Variants in TELO2 observed in about 807,000 individuals in gnomAD.
The protein encoded by TELO2 is telomere maintenance 2, also known as telomere length regulation protein TEL2 homolog.
TELO2 carries 71 observed loss-of-function variants against 91.0 expected under a neutral mutation model. That is an observed-to-expected ratio of 0.78 (90% CI 0.64 to 0.95). The LOEUF (loss-of-function observed/expected upper bound fraction) is 0.95, where lower values mean the gene tolerates loss of function less well. TELO2 is among the 40% of genes least tolerant of loss of function. The pLI is 0.00. For missense variants in TELO2, 1,183 were observed against 1,141.3 expected (o/e 1.04, Z -0.53); for synonymous variants, 584 against 518.9 (o/e 1.13, Z -1.71).
chr16:1,502,843 G>A (rs1393108582), intron 14 of TELO2, 82 bp downstream of exon 14: 3 of 1,603,240 alleles, frequency 1.9e-6, no homozygotes, highest in Non-Finnish European at 2.5e-6. Flanking sequence ...TCTCGGTCCT[G>A]TGCTGGAGCT....
At chr16:1,507,766 GTGT>G (rs2039953372) in intron 20 of TELO2, 50 bp downstream of exon 20, 1 of 1,341,596 alleles carries the variant, frequency 7.5e-7, no homozygotes, top group African/African-American at 1.6e-5. Context: ...GGCCCGGGGT[GTGT>G]GTGTATGTGT....
Position 1,497,157 on chromosome 16 carries a change from C to G in TELO2, c.682+53C>G. On this transcript the variant is annotated intron_variant, in intron 4 of 20. Coordinates refer to ENST00000262319, the MANE Select transcript of TELO2 (RefSeq NM_016111.4). The surrounding 1 kb of genome is among the most constrained non-coding windows in gnomAD (Gnocchi z 4.0). ...TCCTGCCCCGACCCTCACAGCCCAT[C>G]AGCCTTCTGCAGAAGGCCGAGAATC... 1.9e-6 allele frequency: 3 copies of G among 1,603,258 alleles called. No homozygotes were observed. Among genetic ancestry groups the G allele is most frequent in the Non-Finnish European group, 2.6e-6 (3 of 1,172,278 alleles).
At position 1,505,219 on chromosome 16, in the gene TELO2, C is replaced by A; in HGVS notation, c.1843-191C>A. On this transcript the variant is annotated intron_variant, in intron 15 of 20. Coordinates refer to ENST00000262319, the MANE Select transcript of TELO2 (RefSeq NM_016111.4). The surrounding 1 kb of genome is among the most constrained non-coding windows in gnomAD (Gnocchi z 4.3). ...CCTGGAGCACGGTGCCCACCTTCCC[C>A]ACCTTCCCGCCTACCAAGGCGCGGT... is the stretch of plus-strand genomic sequence containing the variant. The A allele has an allele frequency of 1.6e-6, 1 of 635,010 alleles. No homozygotes were observed. Among genetic ancestry groups the A allele is most frequent in the Non-Finnish European group, 2.7e-6 (1 of 376,860 alleles). The allele number at this position is 635,010 out of a possible 1,614,324, so 39.3% of individuals were successfully genotyped here.
intron 15 of TELO2, among the ~76,000 whole-genome samples, chr16:1,504,549 G>GTTT (rs1567303563): frequency 2.9e-5 from 4 of 140,258 alleles, no homozygotes; most frequent in African/African-American, 1.1e-4. Flanking sequence ...ACCGTAACTG[G>GTTT]TCTTTTTTTT....
intron 6 of TELO2, 64 bp from the exon 7 acceptor site, chr16:1,500,032 G>T: frequency 1.3e-6 from 2 of 1,548,790 alleles, no homozygotes; most frequent in Non-Finnish European, 8.7e-7. Flanking sequence ...TCTTGGCCTT[G>T]GGAGCCCCGG....
At position 1,500,663 on chromosome 16, in the gene TELO2, C is replaced by G. The variant is rs1008581535; in HGVS notation, c.1245C>G (p.Ala415=). Reference sequence around the variant, plus strand: ...TGATCGTGGCAGAGGTCGTTAGTGCCCGGATCCACCCCGAGGGGCCTCCCC... The same window carrying G: ...TGATCGTGGCAGAGGTCGTTAGTGCGCGGATCCACCCCGAGGGGCCTCCCC... ...LGMIVAEVVS[A]RIHPEGPPLK... Residue 415 remains alanine (A), a synonymous_variant, in exon 9 of 21, where the codon GCC becomes GCG. Coordinates refer to ENST00000262319, the MANE Select transcript of TELO2 (RefSeq NM_016111.4). 11 of 1,612,568 alleles carry G rather than the reference C, an allele frequency of 6.8e-6. No individual in the cohort carries two copies. In the East Asian group the frequency reaches 2.5e-4, roughly 36 times the overall value.
intron 20 of TELO2, among the ~76,000 whole-genome samples, chr16:1,508,782 C>A (rs898295109): frequency 6.6e-6 from 1 of 152,182 alleles, no homozygotes; most frequent in Non-Finnish European, 1.5e-5. Context: ...AAGAGCAGGG[C>A]ACGGTACCGA....
chr16:1,495,429 A>G lies in TELO2; in HGVS notation c.419A>G (p.Gln140Arg), dbSNP rs1367204087. Residue 140 changes from glutamine to arginine, a missense_variant, in exon 3 of 21, where the codon CAG becomes CGG. Coordinates refer to ENST00000262319, the MANE Select transcript of TELO2 (RefSeq NM_016111.4). Reference protein sequence around the residue: ...EGRLAVLMEAQCRQQTQPGFI... With the variant: ...EGRLAVLMEARCRQQTQPGFI... ...CGGCTGGCAGTGCTGATGGAGGCGC[A>G]GTGTCGGCAGCAGACGCAGCCCGGC... is the stretch of plus-strand genomic sequence containing the variant. 1 of 1,599,666 alleles carries G rather than the reference A, an allele frequency of 6.3e-7. No individual in the cohort carries two copies. The highest frequency in any genetic ancestry group is 2.3e-5 in the East Asian group (1 of 43,956).
At chr16:1,499,966 C>A in intron 6 of TELO2, 130 bp from the exon 7 acceptor site, 1 of 1,111,680 alleles carries the variant, frequency 9.0e-7, no homozygotes, top group South Asian at 1.6e-5. Context: ...GAGGCAGTGG[C>A]CGCCCCCATG....
intron 11 of TELO2, 106 bp from the exon 12 acceptor site, chr16:1,501,941 G>C: frequency 6.6e-7 from 1 of 1,526,506 alleles, no homozygotes; most frequent in Non-Finnish European, 9.1e-7. Flanking sequence ...CGCAGGGGCC[G>C]AGGCGTGAGC....
At chr16:1,506,050 T>C (rs980333989) in intron 16 of TELO2, among the ~76,000 whole-genome samples, 188 bp from the exon 17 acceptor site, 2 of 152,216 alleles carry the variant, frequency 1.3e-5, no homozygotes, top group Non-Finnish European at 2.9e-5. Flanking sequence ...GTCCAGGCAT[T>C]GGCCGCGGAG....
Position 1,496,479 on chromosome 16 carries a change from G to A in TELO2, c.614-557G>A, listed in dbSNP as rs562225888. Among the ~76,000 whole-genome samples the A allele has an allele frequency of 6.6e-5, 10 of 152,344 alleles. No individual in the cohort carries two copies. In the South Asian group the frequency reaches 1.4e-3, roughly 22 times the overall value. ...ATTAAGGAGGCTTTGGGAACATCTC[G>A]GACACATGTGGAATGCGGCTTTTTC... On this transcript the variant is annotated intron_variant, in intron 3 of 20. Transcript: ENST00000262319.
chr16:1,496,434 T>G (rs781563692), intron 3 of TELO2, among the ~76,000 whole-genome samples: 2 of 152,240 alleles, frequency 1.3e-5, no homozygotes, highest in Non-Finnish European at 2.9e-5. Context: ...TTGCAGCTGC[T>G]GCTGTGCATG....
At chr16:1,500,762 C>G (rs1046788668) in intron 9 of TELO2, 63 bp downstream of exon 9, 25 of 1,582,434 alleles carry the variant, frequency 1.6e-5, no homozygotes, top group Non-Finnish European at 2.1e-5. Context: ...GCGGCTGCCT[C>G]TCCAGCCCCA....
chr16:1,503,449 G>T (rs1300876831), intron 15 of TELO2, among the ~76,000 whole-genome samples: 1 of 152,142 alleles, frequency 6.6e-6, no homozygotes, highest in African/African-American at 2.4e-5. Context: ...TACTCGGGAG[G>T]CTGGGGTGGG....
chr16:1,505,239 C>T lies in TELO2; in HGVS notation c.1843-171C>T, dbSNP rs1230742239. On this transcript the variant is annotated intron_variant, in intron 15 of 20. Transcript: ENST00000262319. This position sits in a 1 kb window ranked among gnomAD's most constrained non-coding sequence, Gnocchi z 4.3. ...TTCCCCACCTTCCCGCCTACCAAGG[C>T]GCGGTTGCTGTGAGCTACGGGGAAG... 3.3e-5 allele frequency: 24 copies of T among 718,468 alleles called. No individual in the cohort carries two copies. Among genetic ancestry groups the T allele is most frequent in the Non-Finnish European group, 4.2e-5 (19 of 450,938 alleles). 44.5% of individuals were successfully genotyped at this position (718,468 alleles called of 1,614,324 possible).
In TELO2 at chr16:1,502,003, G is replaced by A. The variant is rs202127900; in HGVS notation, c.1473-44G>A. ...CTGGCTCTGCCGTTGGGCACTTCCT[G>A]TCACAGGCCATGGGCTGCTCATGTC... On this transcript the variant is annotated intron_variant, in intron 11 of 20. Coordinates refer to ENST00000262319, the MANE Select transcript of TELO2 (RefSeq NM_016111.4). 1.2e-4 allele frequency: 200 copies of A among 1,612,022 alleles called. No individual in the cohort carries two copies. In the African/African-American group the frequency reaches 2.3e-3, roughly 19 times the overall value.
chr16:1,506,908 C>T, intron 17 of TELO2, 44 bp from the exon 18 acceptor site: 1 of 1,545,988 alleles, frequency 6.5e-7, no homozygotes. Context: ...GGGGACCTGG[C>T]CCTGAGGCAC....
At position 1,502,142 on chromosome 16, in the gene TELO2, A is replaced by G; in HGVS notation, c.1561+7A>G. ...GTCCGGGACTGCGTGGAAGGTGGGC[A>G]CGGGCCCCTGGAGGGCCTTGCTGGG... On this transcript the variant is annotated splice_region_variant and intron_variant, in intron 12 of 20. Coordinates refer to ENST00000262319, the MANE Select transcript of TELO2 (RefSeq NM_016111.4). 6.2e-7 allele frequency: 1 copy of G among 1,612,670 alleles called. No homozygotes were observed. The highest frequency in any genetic ancestry group is 8.5e-7 in the Non-Finnish European group (1 of 1,179,912).
Sources: gnomAD v4.1 joint callset for allele counts (sites outside exome capture counted in the v4.1 genomes callset) on GRCh38, gnomAD v4.1.1 for gene constraint, Gnocchi (gnomAD v3.1) non-coding constraint, MANE v1.5 for transcripts, NCBI Gene and HGNC (gene_info 2026-07-23, HGNC 2026-07-21) for gene names.